The following SOX5 variants were observed in gnomAD, a reference collection of about 807,000 sequenced individuals.
SOX5 encodes transcription factor SOX-5.
Under a neutral mutation model 92.0 loss-of-function variants are expected in SOX5, and 9 were observed. That is an observed-to-expected ratio of 0.10 (90% CI 0.06 to 0.17). SOX5 has a LOEUF of 0.17. SOX5 is among the 10% of genes least tolerant of loss of function. The probability of loss-of-function intolerance (pLI) is 1.00; values close to 1 mark genes in which losing one functional copy is unlikely to be tolerated. For missense variants in SOX5, 642 were observed against 944.5 expected (o/e 0.68, Z 4.20); for synonymous variants, 344 against 336.3 (o/e 1.02, Z -0.25).
intron 2 of SOX5, among the ~76,000 whole-genome samples, chr12:24,316,654 A>G (rs914837799): frequency 7.2e-5 from 11 of 152,214 alleles, no homozygotes; most frequent in Non-Finnish European, 1.5e-4. Context: ...ACATAGGAAT[A>G]ATGAAATAGG....
intron 2 of SOX5, chr12:24,368,144 C>T (rs972345901): frequency 6.6e-6 from 1 of 152,050 alleles, no homozygotes; most frequent in African/African-American, 2.4e-5. Context: ...TGAAAGATAG[C>T]AATTATCAAT....
intron 3 of SOX5, among the ~76,000 whole-genome samples, chr12:23,823,393 T>C (rs926455297): frequency 3.3e-5 from 5 of 152,222 alleles, no homozygotes; most frequent in African/African-American, 9.6e-5. Context: ...TGGCTGGATA[T>C]GAAATTCTGG....
At chr12:24,416,851 C>A (rs906083230) in intron 1 of SOX5, among the ~76,000 whole-genome samples, 4 of 152,158 alleles carry the variant, frequency 2.6e-5, no homozygotes, top group Non-Finnish European at 2.9e-5. Context: ...AAATCCAGGT[C>A]TGATCTGTCA....
At chr12:23,659,639 G>T (rs1021972527) in intron 7 of SOX5, among the ~76,000 whole-genome samples, 21 of 152,252 alleles carry the variant, frequency 1.4e-4, no homozygotes, top group African/African-American at 4.6e-4. Flanking sequence ...TTCTCAACAT[G>T]AGCTCTAATA....
intron 8 of SOX5, among the ~76,000 whole-genome samples, chr12:23,616,141 C>G (rs532610936): frequency 5.3e-5 from 8 of 152,252 alleles, no homozygotes; most frequent in Admixed American, 2.0e-4. Flanking sequence ...CAAGGTAGGA[C>G]TCTGAACATT....
rs1454038936 is a variant in SOX5 at position 24,435,763 on chromosome 12, T to G, written c.-250-67124A>C. On this transcript the variant is annotated intron_variant, in intron 1 of 4. Transcript: ENST00000446891. ...TGCACTTCACAGATACTGTGGTTTG[T>G]TTTTTTGTTTTCTTTTTAACAAATT... 2.6e-5 allele frequency among the ~76,000 whole-genome samples: 4 copies of G among 151,952 alleles called. No individual in the cohort carries two copies. The South Asian group carries it at 8.3e-4, about 32-fold the overall frequency.
chr12:24,438,082 C>G (rs554778725), intron 1 of SOX5, among the ~76,000 whole-genome samples: 1 of 152,210 alleles, frequency 6.6e-6, no homozygotes, highest in Non-Finnish European at 1.5e-5. Flanking sequence ...CACATATATA[C>G]CATGGAATAC....
intron 2 of SOX5, among the ~76,000 whole-genome samples, chr12:23,854,029 C>T (rs911196908): frequency 6.6e-6 from 1 of 151,968 alleles, no homozygotes; most frequent in Non-Finnish European, 1.5e-5. Flanking sequence ...TTTTTATTGT[C>T]GTTTTTAGTA....
At chr12:23,795,788 G>A (rs112539889) in intron 3 of SOX5, among the ~76,000 whole-genome samples, 13 of 152,208 alleles carry the variant, frequency 8.5e-5, no homozygotes, top group African/African-American at 1.2e-4. Flanking sequence ...GAGAATGTGT[G>A]TTTGTGTGCA....
chr12:23,836,266 T>C (rs1165906494), intron 3 of SOX5, among the ~76,000 whole-genome samples: 1 of 151,910 alleles, frequency 6.6e-6, no homozygotes, highest in South Asian at 2.1e-4. Flanking sequence ...GTAACTATGT[T>C]ACATAGGCCA....
At chr12:23,929,579 G>A (rs1401930277) in intron 1 of SOX5, among the ~76,000 whole-genome samples, 1 of 151,720 alleles carries the variant, frequency 6.6e-6, no homozygotes, top group African/African-American at 2.4e-5. Context: ...TAATCCCACT[G>A]TGAAAGAGGA....
chr12:23,792,513 T>C (rs1392868320), intron 3 of SOX5, among the ~76,000 whole-genome samples: 5 of 150,230 alleles, frequency 3.3e-5, no homozygotes, highest in African/African-American at 1.2e-4. Context: ...ATCCCAGCTA[T>C]GCAGGAGGCT....
chr12:24,125,434 T>C (rs1422651287), intron 4 of SOX5, among the ~76,000 whole-genome samples: 1 of 152,184 alleles, frequency 6.6e-6, no homozygotes, highest in Non-Finnish European at 1.5e-5. Flanking sequence ...AGCAAATAGT[T>C]ACTGAGGCCT....
chr12:23,649,869 T>C (rs1269897827), intron 7 of SOX5, among the ~76,000 whole-genome samples: 1 of 151,998 alleles, frequency 6.6e-6, no homozygotes, highest in Non-Finnish European at 1.5e-5. Context: ...TGAAGGAAAA[T>C]GTGAAATGCA....
At chr12:24,182,834 C>G (rs1312758546) in intron 4 of SOX5, among the ~76,000 whole-genome samples, 1 of 152,138 alleles carries the variant, frequency 6.6e-6, no homozygotes, top group Non-Finnish European at 1.5e-5. Flanking sequence ...TTGCCTCAGC[C>G]TCCCGAATAG....
At chr12:23,964,624 G>A (rs1947332394) in intron 4 of SOX5, among the ~76,000 whole-genome samples, 1 of 152,132 alleles carries the variant, frequency 6.6e-6, no homozygotes, top group Non-Finnish European at 1.5e-5. Context: ...ATGCTTCTTT[G>A]TTTGCCTCGT....
chr12:24,282,358 AAAAAT>A (rs1461382383), intron 2 of SOX5, among the ~76,000 whole-genome samples: 2 of 151,712 alleles, frequency 1.3e-5, no homozygotes, highest in Admixed American at 6.6e-5. Flanking sequence ...AAAGTATAAT[AAAAAT>A]AAATCAATAA....
rs569969678 is a variant in SOX5 at position 24,023,204 on chromosome 12, A to G, written c.-1-127180T>C. Among the ~76,000 whole-genome samples, 16 of 152,270 alleles carry G rather than the reference A, an allele frequency of 1.1e-4. No individual in the cohort carries two copies. In the South Asian group the frequency reaches 3.3e-3, roughly 31 times the overall value. On this transcript the variant is annotated intron_variant, in intron 4 of 4. Transcript: ENST00000446891. ...CATACAACTATCAAATAATGAGCAC[A>G]TTCATGAAGCACATTCAGATGTTTG...
chr12:23,958,195 A>G (rs1946492829), intron 4 of SOX5, among the ~76,000 whole-genome samples: 1 of 152,112 alleles, frequency 6.6e-6, no homozygotes, highest in Non-Finnish European at 1.5e-5. Flanking sequence ...CTCAGTTTTC[A>G]TAACTGGGCC....
Sources: gnomAD v4.1 joint callset for allele counts (sites outside exome capture counted in the v4.1 genomes callset) on GRCh38, gnomAD v4.1.1 for gene constraint, MANE v1.5 for transcripts, NCBI Gene and HGNC (gene_info 2026-07-23, HGNC 2026-07-21) for gene names.